Variants in MDH1B observed in about 807,000 individuals in gnomAD.
MDH1B encodes the protein malate dehydrogenase 1B, also known as putative malate dehydrogenase 1B.
MDH1B carries 60 observed loss-of-function variants against 61.4 expected under a neutral mutation model. That is an observed-to-expected ratio of 0.98 (90% CI 0.79 to 1.21). The LOEUF is 1.21. Ranked by LOEUF, MDH1B falls within the 50% of genes most tolerant of loss-of-function variation. The pLI, the probability that MDH1B is intolerant of heterozygous loss-of-function variation, is 0.00. For synonymous variants in MDH1B, 236 were observed against 218.7 expected, an observed-to-expected ratio of 1.08 and a Z score of -0.70; for missense variants, 587 against 632.1, an observed-to-expected ratio of 0.93 and a Z score of 0.76.
In MDH1B at chr2:206,751,092, G is replaced by C; in HGVS notation, c.911-17C>G. ...CTTTAATGTCTGTGAAGAATAGAAA[G>C]TTTAGAAAAATAATAATAATGTATG... On this transcript the variant is annotated splice_polypyrimidine_tract_variant and intron_variant, in intron 5 of 11. Transcript: ENST00000374412. 1 of 1,497,584 alleles carries C rather than the reference G, an allele frequency of 6.7e-7. No homozygotes were observed. Among genetic ancestry groups the C allele is most frequent in the Non-Finnish European group, 9.0e-7 (1 of 1,113,688 alleles). The allele number at this position is 1,497,584 out of a possible 1,614,324, so 92.8% of individuals were successfully genotyped here.
rs770074465 is a variant in MDH1B at position 206,755,341 on chromosome 2, C to T, written c.578G>A (p.Arg193His). 39 of 1,614,042 alleles carry T rather than the reference C, an allele frequency of 2.4e-5. No homozygotes were observed. The highest frequency in any genetic ancestry group is 1.8e-4 in the South Asian group (16 of 91,092). The change falls in exon 5 of 12, where the codon CGC becomes CAC. Residue 193 changes from arginine to histidine, a missense_variant. By Grantham distance (29) the Arg-to-His change is conservative (BLOSUM62 0). Coordinates refer to ENST00000374412, the MANE Select transcript of MDH1B (RefSeq NM_001039845.3). ...CACCTTCGTGCAGATGGAGACACTG[C>T]GCAGGACGGGAGATGCCAGGTCTTG... is the stretch of plus-strand genomic sequence containing the variant. ...ETQDLASPVL[R>H]SVSICTKVEE...
chr2:206,762,088 G>A (rs1170948887), intron 1 of MDH1B, among the ~76,000 whole-genome samples: 1 of 152,026 alleles, frequency 6.6e-6, no homozygotes, highest in Admixed American at 6.5e-5. Flanking sequence ...TAAAATTCAT[G>A]GTCACCAGCT....
At chr2:206,751,793 T>G (rs1000396391) in intron 5 of MDH1B, among the ~76,000 whole-genome samples, 5 of 152,230 alleles carry the variant, frequency 3.3e-5, no homozygotes, top group Non-Finnish European at 7.3e-5. Context: ...GCATTGGCAT[T>G]CAATATGATT....
chr2:206,748,035 T>C (rs746168071), intron 7 of MDH1B, among the ~76,000 whole-genome samples: 8 of 152,224 alleles, frequency 5.3e-5, no homozygotes, highest in Non-Finnish European at 8.8e-5. Context: ...ATGCTTCAGA[T>C]AGACCTTACA....
In MDH1B at chr2:206,749,052, C is replaced by G. The variant is rs1447294072; in HGVS notation, c.1184G>C (p.Gly395Ala). The G allele has an allele frequency of 6.2e-7, 1 of 1,613,790 alleles. No individual in the cohort carries two copies. Residue 395 changes from glycine (G) to alanine (A), a missense_variant, in exon 7 of 12, where the codon GGG becomes GCG. Gly to Ala is a moderately conservative substitution (Grantham distance 60). Coordinates refer to ENST00000374412, the MANE Select transcript of MDH1B (RefSeq NM_001039845.3). Reference sequence around the variant, plus strand: ...CAATATTCCTAAAGATACAATCTCCCCAGGTGGTGAGCCATGGTACCAGTA... The same window carrying G: ...CAATATTCCTAAAGATACAATCTCCGCAGGTGGTGAGCCATGGTACCAGTA... ...LKYWYHGSPP[G>A]EIVSLGILSE...
At chr2:206,761,893 T>G (rs1176258371) in intron 1 of MDH1B, among the ~76,000 whole-genome samples, 3 of 152,136 alleles carry the variant, frequency 2.0e-5, no homozygotes, top group Admixed American at 2.0e-4. Flanking sequence ...AAATCTATGG[T>G]TCATCTCTTC....
chr2:206,746,564 T>C, intron 7 of MDH1B, 138 bp from the exon 8 acceptor site: 1 of 986,084 alleles, frequency 1.0e-6, no homozygotes, highest in South Asian at 2.0e-5. Flanking sequence ...CTCGGAATTC[T>C]TCTCCAAAGA....
At chr2:206,756,692 A>G (rs544425257) in intron 4 of MDH1B, 69 of 569,828 alleles carry the variant, frequency 1.2e-4, no homozygotes, top group Non-Finnish European at 2.0e-4. Context: ...TCTATAAAAC[A>G]TAAAACTCAT....
Position 206,738,410 on chromosome 2 carries a change from T to C in MDH1B, c.*73A>G, listed in dbSNP as rs1207728525. On this transcript the variant is annotated 3_prime_UTR_variant, in exon 12 of 12. Coordinates refer to ENST00000374412, the MANE Select transcript of MDH1B (RefSeq NM_001039845.3). ...CTTTCAAATTATTCTTCCTTAAATA[T>C]AGACATTCATATAAATTCTTTCTAT... 8.9e-7 allele frequency: 1 copy of C among 1,121,016 alleles called. No homozygotes were observed. Among genetic ancestry groups the C allele is most frequent in the South Asian group, 1.6e-5 (1 of 64,290 alleles). 69.4% of individuals were successfully genotyped at this position (1,121,016 alleles called of 1,614,324 possible).
chr2:206,749,111 A>C lies in MDH1B; in HGVS notation c.1125T>G (p.Ile375Met), dbSNP rs369595722. The change falls in exon 7 of 12, where the codon ATT (isoleucine) becomes ATG (methionine). Residue 375 changes from isoleucine (I) to methionine (M), a missense_variant. Transcript: ENST00000374412. Reference sequence around the variant, plus strand: ...TAGTGGCTATACTGTGTGCAGCCAAAATGCCTCCAAATTGTCTTCCTGTGG... The same window carrying C: ...TAGTGGCTATACTGTGTGCAGCCAACATGCCTCCAAATTGTCTTCCTGTGG... ...LTTTGRQFGGILAAHSIATTL... is the reference protein window; with the variant it reads ...LTTTGRQFGGMLAAHSIATTL... 6.2e-7 allele frequency: 1 copy of C among 1,613,998 alleles called. No homozygotes were observed. Among genetic ancestry groups the C allele is most frequent in the Non-Finnish European group, 8.5e-7 (1 of 1,179,984 alleles).
chr2:206,751,696 G>A (rs1688457357), intron 5 of MDH1B, among the ~76,000 whole-genome samples: 1 of 152,104 alleles, frequency 6.6e-6, no homozygotes, highest in Non-Finnish European at 1.5e-5. Flanking sequence ...TTCTAGGGGT[G>A]GTGGGAAGTG....
chr2:206,744,787 T>C (rs1222371790), intron 9 of MDH1B, among the ~76,000 whole-genome samples: 6 of 152,068 alleles, frequency 3.9e-5, no homozygotes, highest in Non-Finnish European at 5.9e-5. Flanking sequence ...TAGCCAGGCA[T>C]GGTGGTGTGC....
At position 206,748,102 on chromosome 2, in the gene MDH1B, C is replaced by T. The variant is rs192454385; in HGVS notation, c.1216+918G>A. On this transcript the variant is annotated intron_variant, in intron 7 of 11. Coordinates refer to ENST00000374412, the MANE Select transcript of MDH1B (RefSeq NM_001039845.3). ...TTTTGTAAAAATGGTAGAAGTCAGC[C>T]GGGCGTGGTGGCTCAGGCCTGTAAC... Among the ~76,000 whole-genome samples the T allele has an allele frequency of 6.6e-5, 10 of 152,276 alleles. No homozygotes were observed. The East Asian group carries it at 9.7e-4, about 15-fold the overall frequency.
intron 7 of MDH1B, among the ~76,000 whole-genome samples, chr2:206,748,490 A>T (rs1356827564): frequency 6.6e-6 from 1 of 152,246 alleles, no homozygotes; most frequent in African/African-American, 2.4e-5. Context: ...ACCTTTCCAC[A>T]TTCCCAGCGC....
At chr2:206,739,380 C>G (rs1687677656) in intron 11 of MDH1B, among the ~76,000 whole-genome samples, 1 of 151,866 alleles carries the variant, frequency 6.6e-6, no homozygotes, top group Non-Finnish European at 1.5e-5. Context: ...CACCACTGCA[C>G]TTCAGCCTGG....
rs1432858517 is a variant in MDH1B at position 206,745,692 on chromosome 2, C to T, written c.1357-19G>A. The T allele has an allele frequency of 6.6e-7, 1 of 1,505,984 alleles. No homozygotes were observed. The allele number at this position is 1,505,984 out of a possible 1,614,324, so 93.3% of individuals were successfully genotyped here. A position where few individuals can be genotyped will look rare whatever the true frequency, so the allele number is the denominator to read the frequency against. On this transcript the variant is annotated intron_variant, in intron 8 of 11. Transcript: ENST00000374412. ...GTTTCTCCTGTTGAAATTTTATAAT[C>T]ACAGAATTAAATGACCACAATTCCT...
intron 6 of MDH1B, among the ~76,000 whole-genome samples, chr2:206,749,889 T>A (rs1299862427): frequency 3.3e-5 from 5 of 152,198 alleles, no homozygotes; most frequent in Admixed American, 3.3e-4. Flanking sequence ...TGGATTGGGG[T>A]GTTCAAGCTG....
At chr2:206,758,387 C>CAG (rs1688886507) in intron 2 of MDH1B, among the ~76,000 whole-genome samples, 1 of 152,128 alleles carries the variant, frequency 6.6e-6, no homozygotes, top group Non-Finnish European at 1.5e-5. Flanking sequence ...AACATGTTGC[C>CAG]AGACTGGCTC....
At chr2:206,753,578 T>C (rs748640978) in intron 5 of MDH1B, among the ~76,000 whole-genome samples, 78 of 152,320 alleles carry the variant, frequency 5.1e-4, no homozygotes, top group Middle Eastern at 3.4e-3. Flanking sequence ...CTGAAAAGGT[T>C]TGCCACCCTC....
Sources: gnomAD v4.1 joint callset for allele counts (sites outside exome capture counted in the v4.1 genomes callset) on GRCh38, gnomAD v4.1.1 for gene constraint, MANE v1.5 for transcripts, NCBI Gene and HGNC (gene_info 2026-07-23, HGNC 2026-07-21) for gene names.